Variants in PCDHGA8 observed in about 807,000 individuals in gnomAD.
PCDHGA8 encodes protocadherin gamma-A8.
Under a neutral mutation model 59.2 loss-of-function variants are expected in PCDHGA8, and 45 were observed. The observed-to-expected ratio is 0.76, with a 90% CI of 0.60 to 0.98. The LOEUF (loss-of-function observed/expected upper bound fraction) is 0.98. Ranked by LOEUF, PCDHGA8 falls within the 50% of genes least tolerant of loss-of-function variation. The probability of loss-of-function intolerance (pLI) is 0.00; values close to 1 mark genes in which losing one functional copy is unlikely to be tolerated. For synonymous variants in PCDHGA8, 531 were observed against 519.0 expected, an observed-to-expected ratio of 1.02 and a Z score of -0.32; for missense variants, 1,257 against 1,196.2, an observed-to-expected ratio of 1.05 and a Z score of -0.75.
rs374140638 is a variant in PCDHGA8 at position 141,487,759 on chromosome 5, C to T, written c.2425-7048C>T. ...TTGTAAGAGGTAACTATGTGGTAGA[C>T]GCTGTGCTTTGTAACTGTTTCGTGA... On this transcript the variant is annotated intron_variant, in intron 1 of 3. Transcript: ENST00000398604. The surrounding 1 kb of genome is among the most constrained non-coding windows in gnomAD (Gnocchi z 5.0). 45 of 1,546,278 alleles carry T rather than the reference C, an allele frequency of 2.9e-5. No individual in the cohort carries two copies. The highest frequency in any genetic ancestry group is 1.1e-4 in the African/African-American group (8 of 73,160).
intron 1 of PCDHGA8, among the ~76,000 whole-genome samples, chr5:141,444,735 C>A (rs924159168): frequency 1.3e-5 from 2 of 152,116 alleles, no homozygotes; most frequent in Admixed American, 1.3e-4. Context: ...TGTTGAAAGT[C>A]ATTTCACTGA....
At chr5:141,403,773 AC>A (rs2094454199) in intron 1 of PCDHGA8, 1 of 1,613,838 alleles carries the variant, frequency 6.2e-7, no homozygotes, top group South Asian at 1.1e-5. Flanking sequence ...GAGGGAATCA[AC>A]GGAAAAGTGG....
At chr5:141,500,167 A>C (rs976308963) in intron 2 of PCDHGA8, among the ~76,000 whole-genome samples, 1 of 150,656 alleles carries the variant, frequency 6.6e-6, no homozygotes, top group African/African-American at 2.4e-5. Context: ...AAGAACATGC[A>C]TGAGCTTCAT....
Position 141,394,972 on chromosome 5 carries a change from A to G in PCDHGA8, c.2159A>G (p.His720Arg), listed in dbSNP as rs766374618. 6.2e-7 allele frequency: 1 copy of G among 1,613,902 alleles called. No individual in the cohort carries two copies. The highest frequency in any genetic ancestry group is 8.5e-7 in the Non-Finnish European group (1 of 1,179,888). Residue 720 changes from histidine to arginine, a missense_variant, in exon 1 of 4, where the codon CAC becomes CGC. Physicochemically the swap from His to Arg is conservative, Grantham distance 29. Transcript: ENST00000398604. ...CTGGGGCTCAGGCTGAGGCGCTGGC[A>G]CAAGTCACGCCTGCTCCAGGATTCC... ...VLLGLRLRRW[H>R]KSRLLQDSGG...
chr5:141,430,151 A>T (rs774490087), intron 1 of PCDHGA8, among the ~76,000 whole-genome samples: 8 of 152,166 alleles, frequency 5.3e-5, no homozygotes, highest in Non-Finnish European at 8.8e-5. Flanking sequence ...GGATCATTCA[A>T]GGAATCTATT....
intron 1 of PCDHGA8, chr5:141,407,979 T>G: frequency 1.3e-6 from 1 of 748,940 alleles, no homozygotes; most frequent in Non-Finnish European, 2.0e-6. Context: ...ACGCCGGGGA[T>G]CCGTCAGCCT....
At chr5:141,425,047 A>G (rs1590618154) in intron 1 of PCDHGA8, among the ~76,000 whole-genome samples, 1 of 152,198 alleles carries the variant, frequency 6.6e-6, no homozygotes, top group Non-Finnish European at 1.5e-5. Context: ...TAAACTGACT[A>G]TCTAGGGCTC....
chr5:141,441,665 A>C (rs994092543), intron 1 of PCDHGA8: 10 of 265,838 alleles, frequency 3.8e-5, no homozygotes, highest in African/African-American at 2.1e-4. Context: ...CCTTGAGCGC[A>C]CAGTGCGCCT....
intron 1 of PCDHGA8, chr5:141,403,389 C>A (rs764725441): frequency 1.9e-6 from 3 of 1,614,050 alleles, no homozygotes; most frequent in Non-Finnish European, 2.5e-6. Flanking sequence ...AACGAAATCG[C>A]GGTTCCTGGA....
In PCDHGA8 at chr5:141,414,973, A is replaced by G. The variant is rs533056439; in HGVS notation, c.2424+19736A>G. 1.9e-5 allele frequency: 30 copies of G among 1,613,870 alleles called. No homozygotes were observed. The African/African-American group carries it at 3.7e-4, about 20-fold the overall frequency. Reference sequence around the variant, plus strand: ...GGTGACCAAGGTGGTGGCGGTGGACAGAGACTCCGGCCAGAACGCCTGGCT... The same window carrying G: ...GGTGACCAAGGTGGTGGCGGTGGACGGAGACTCCGGCCAGAACGCCTGGCT... On this transcript the variant is annotated intron_variant, in intron 1 of 3. Transcript: ENST00000398604.
intron 1 of PCDHGA8, among the ~76,000 whole-genome samples, chr5:141,492,336 A>G (rs1353947767): frequency 1.3e-5 from 2 of 152,072 alleles, no homozygotes; most frequent in East Asian, 3.9e-4. Context: ...TTACGCGAAT[A>G]CCAGCTTTCA....
chr5:141,445,828 G>A (rs1188169953), intron 1 of PCDHGA8, among the ~76,000 whole-genome samples: 2 of 152,188 alleles, frequency 1.3e-5, no homozygotes, highest in African/African-American at 2.4e-5. Context: ...AAGGCAGGGA[G>A]AGCCTTGTAA....
At chr5:141,404,176 A>C (rs763166170) in intron 1 of PCDHGA8, 2 of 1,613,206 alleles carry the variant, frequency 1.2e-6, no homozygotes, top group African/African-American at 2.7e-5. Context: ...TGACGGCCCA[A>C]ATTCTTGACC....
Position 141,511,565 on chromosome 5 carries a change from AG to A in PCDHGA8, c.*393del, listed in dbSNP as rs2099883852. 6.8e-6 allele frequency: 2 copies of A among 296,092 alleles called. No homozygotes were observed. Among genetic ancestry groups the A allele is most frequent in the South Asian group, 7.4e-5 (2 of 26,988 alleles). The allele number at this position is 296,092 out of a possible 1,614,324, so 18.3% of individuals were successfully genotyped here. On this transcript the variant is annotated 3_prime_UTR_variant, in exon 4 of 4. Transcript: ENST00000398604. ...CCACTCCAACAGTTCCTCTTTCCCG[AG>A]TAAGGTGGTTGGGGTGTTGAAGTAC...
intron 1 of PCDHGA8, chr5:141,403,345 A>C (rs1267522141): frequency 1.2e-6 from 2 of 1,614,050 alleles, no homozygotes; most frequent in South Asian, 2.2e-5. Context: ...ACAGCGCCCC[A>C]AAGTTCCAGG....
At chr5:141,401,213 G>T (rs1259778152) in intron 1 of PCDHGA8, among the ~76,000 whole-genome samples, 2 of 152,014 alleles carry the variant, frequency 1.3e-5, no homozygotes, top group African/African-American at 4.8e-5. Flanking sequence ...GTGGTGGCGG[G>T]CGCCTGTAAT....
intron 1 of PCDHGA8, chr5:141,420,078 C>T (rs764695314): frequency 6.2e-7 from 1 of 1,614,008 alleles, no homozygotes; most frequent in Non-Finnish European, 8.5e-7. Context: ...CCTGTGGGTC[C>T]CCCCAACTAC....
intron 1 of PCDHGA8, among the ~76,000 whole-genome samples, chr5:141,449,607 A>G (rs1279835785): frequency 1.3e-5 from 2 of 149,984 alleles, no homozygotes; most frequent in African/African-American, 4.9e-5. Flanking sequence ...AAAAAAAAAA[A>G]GTAAAAAAGT....
intron 1 of PCDHGA8, among the ~76,000 whole-genome samples, chr5:141,459,101 C>A (rs1021289352): frequency 6.6e-6 from 1 of 152,192 alleles, no homozygotes; most frequent in Non-Finnish European, 1.5e-5. Context: ...CAGTGCAATG[C>A]ATTTTGACAA....
Sources: gnomAD v4.1 joint callset for allele counts (sites outside exome capture counted in the v4.1 genomes callset) on GRCh38, gnomAD v4.1.1 for gene constraint, Gnocchi (gnomAD v3.1) non-coding constraint, MANE v1.5 for transcripts, NCBI Gene and HGNC (gene_info 2026-07-23, HGNC 2026-07-21) for gene names.